ING5: variants seen among roughly 807,000 people sequenced by gnomAD.
The protein encoded by ING5 is inhibitor of growth protein 5.
Under a neutral mutation model 37.4 loss-of-function variants are expected in ING5, and 17 were observed. That is an observed-to-expected ratio of 0.45 (90% confidence interval 0.31 to 0.68). The LOEUF is 0.68. ING5 is among the 30% of genes least tolerant of loss of function. The pLI is 0.05. For missense variants in ING5, 233 were observed against 311.9 expected (o/e 0.75, Z 1.91); for synonymous variants, 123 against 116.6 (o/e 1.06, Z -0.36).
At chr2:241,721,335 A>G in intron 5 of ING5, 5 of 985,500 alleles carry the variant, frequency 5.1e-6, no homozygotes, top group Non-Finnish European at 6.0e-6. Context: ...TGGACTTGTG[A>G]CGCTGATGGA....
intron 5 of ING5, 56 bp downstream of exon 5, chr2:241,712,127 C>T (rs1183483797): frequency 1.7e-5 from 23 of 1,350,740 alleles, no homozygotes; most frequent in African/African-American, 3.0e-5. Flanking sequence ...GCCTGTATCC[C>T]GGATGTAGGA....
upstream of ING5, among the ~76,000 whole-genome samples, chr2:241,698,175 T>G (rs2069658277): frequency 6.6e-6 from 1 of 150,832 alleles, no homozygotes; most frequent in Admixed American, 6.6e-5. Context: ...CCCGCCGTGG[T>G]GGCTCACGCC....
upstream of ING5, among the ~76,000 whole-genome samples, chr2:241,701,307 CCAT>C (rs139010409): frequency 0.13 from 19,955 of 152,170 alleles, 1,702 homozygotes; most frequent in East Asian, 0.41. Flanking sequence ...CCTTTGCACG[CCAT>C]CTTATTAACT....
At chr2:241,722,117 C>T (rs572763016) in intron 5 of ING5, 24 of 985,300 alleles carry the variant, frequency 2.4e-5, no homozygotes, top group African/African-American at 7.0e-5. Flanking sequence ...AGGGCCCGGG[C>T]GCAGGACGCA....
chr2:241,707,483 G>T (rs2069957798), intron 2 of ING5, among the ~76,000 whole-genome samples: 1 of 151,660 alleles, frequency 6.6e-6, no homozygotes, highest in Admixed American at 6.6e-5. Flanking sequence ...GTAGAGACGG[G>T]GTTTCTCCAT....
chr2:241,723,994 A>C, intron 7 of ING5: 1 of 1,333,794 alleles, frequency 7.5e-7, no homozygotes, highest in Non-Finnish European at 9.9e-7. Context: ...TGGGCGAGAG[A>C]GCAAGACCCT....
At chr2:241,706,560 G>A (rs914609547) in intron 2 of ING5, among the ~76,000 whole-genome samples, 29 of 150,502 alleles carry the variant, frequency 1.9e-4, no homozygotes, top group Non-Finnish European at 3.1e-4. Context: ...ACCTGGAGGC[G>A]GAGGTTGCAC....
chr2:241,723,524 A>G (rs924106713), intron 7 of ING5, among the ~76,000 whole-genome samples: 1 of 152,246 alleles, frequency 6.6e-6, no homozygotes, highest in African/African-American at 2.4e-5. Flanking sequence ...AATGGTGGTT[A>G]CCAGGTTACG....
At position 241,725,700 on chromosome 2, in the gene ING5, G is replaced by A. The variant is rs1691593778; in HGVS notation, c.*669G>A. On this transcript the variant is annotated 3_prime_UTR_variant, in exon 8 of 8. Coordinates refer to ENST00000313552, the MANE Select transcript of ING5 (RefSeq NM_032329.6). ...AACGGCTCTTCATTAGCTTGGAGTG[G>A]CCGCAGGTCCCGTGACCAGCACCCG... 6.6e-6 allele frequency: 1 copy of A among 152,648 alleles called. No homozygotes were observed. Among genetic ancestry groups the A allele is most frequent in the Non-Finnish European group, 1.5e-5 (1 of 68,042 alleles). The allele number at this position is 152,648 out of a possible 1,614,324, so 9.5% of individuals were successfully genotyped here. A position where few individuals can be genotyped will look rare whatever the true frequency, so the allele number is the denominator to read the frequency against.
intron 5 of ING5, chr2:241,720,965 C>T (rs889899811): frequency 1.0e-6 from 1 of 985,702 alleles, no homozygotes; most frequent in Non-Finnish European, 1.2e-6. Context: ...CCTCAGGCCC[C>T]CGGCCCTCTC....
At chr2:241,699,263 G>A (rs1370743659), upstream of ING5, among the ~76,000 whole-genome samples, 2 of 152,070 alleles carry the variant, frequency 1.3e-5, no homozygotes, top group Non-Finnish European at 2.9e-5. Flanking sequence ...GACCTCAGGT[G>A]ATCCACCCAC....
chr2:241,709,837 C>A (rs2070051215), intron 3 of ING5, among the ~76,000 whole-genome samples: 1 of 152,090 alleles, frequency 6.6e-6, no homozygotes, highest in South Asian at 2.1e-4. Flanking sequence ...GAACTCCTGA[C>A]TTCAAGTGAT....
chr2:241,721,310 G>A lies in ING5; in HGVS notation c.483-1629G>A, dbSNP rs950020861. The A allele has an allele frequency of 3.5e-5, 34 of 985,426 alleles. No individual in the cohort carries two copies. In the African/African-American group the frequency reaches 3.8e-4, roughly 11 times the overall value. The allele number at this position is 985,426 out of a possible 1,614,324, so 61.0% of individuals were successfully genotyped here. A position where few individuals can be genotyped will look rare whatever the true frequency, so the allele number is the denominator to read the frequency against. On this transcript the variant is annotated intron_variant, in intron 5 of 7. Coordinates refer to ENST00000313552, the MANE Select transcript of ING5 (RefSeq NM_032329.6). ...GAGACTGTTGCTTGAAAGCAGTGTC[G>A]GCAGCACCTGGACCTGGACTTGTGA...
chr2:241,707,205 C>T (rs189722680), intron 2 of ING5, among the ~76,000 whole-genome samples: 12 of 152,068 alleles, frequency 7.9e-5, no homozygotes, highest in East Asian at 3.9e-4. Flanking sequence ...GTGATCTGCC[C>T]GCCTTGGCCT....
chr2:241,724,005 G>A, intron 7 of ING5: 3 of 1,356,032 alleles, frequency 2.2e-6, no homozygotes, highest in Non-Finnish European at 2.9e-6. Flanking sequence ...GCAAGACCCT[G>A]TCTCAAATAA....
intron 2 of ING5, among the ~76,000 whole-genome samples, chr2:241,705,803 A>T (rs1308529144): frequency 6.6e-6 from 1 of 152,166 alleles, no homozygotes; most frequent in Non-Finnish European, 1.5e-5. Flanking sequence ...TGGCACAGGC[A>T]GCTGTACTTC....
intron 5 of ING5, 130 bp downstream of exon 5, chr2:241,712,201 C>G (rs577961222): frequency 3.0e-5 from 22 of 745,224 alleles, no homozygotes; most frequent in South Asian, 2.4e-4. Context: ...CTGATTCTTA[C>G]GCTGCGCGCC....
Position 241,696,155 on chromosome 2 carries a change from G to T in ING5, c.43+5502G>T, listed in dbSNP as rs946332688. On this transcript the variant is annotated intron_variant, in intron 2 of 7. Transcript: ENST00000636051. ...GCCTGTAATCCCACCACTTTGGAAGGCCGAGGCGGGCAGATCACGAGGTGA... is the reference window on the plus strand; with the variant it reads ...GCCTGTAATCCCACCACTTTGGAAGTCCGAGGCGGGCAGATCACGAGGTGA... Among the ~76,000 whole-genome samples, 9 of 152,254 alleles carry T rather than the reference G, an allele frequency of 5.9e-5. No homozygotes were observed. In the South Asian group the frequency reaches 8.3e-4, roughly 14 times the overall value.
At chr2:241,708,670 T>C (rs2070002201) in intron 2 of ING5, among the ~76,000 whole-genome samples, 1 of 152,202 alleles carries the variant, frequency 6.6e-6, no homozygotes, top group Non-Finnish European at 1.5e-5. Context: ...TGTAGTTTGC[T>C]CTTTTTGTTG....
Sources: allele counts gnomAD v4.1 joint callset (sites outside exome capture counted in the v4.1 genomes callset), GRCh38; gene constraint gnomAD v4.1.1; transcripts MANE v1.5; gene names NCBI Gene and HGNC (gene_info 2026-07-23, HGNC 2026-07-21).